PDE10A: variants seen among roughly 807,000 people sequenced by gnomAD.
The protein encoded by PDE10A is phosphodiesterase 10A, also known as cAMP and cAMP-inhibited cGMP 3',5'-cyclic phosphodiesterase 10A.
PDE10A carries 39 observed loss-of-function variants against 97.7 expected under a neutral mutation model. The observed-to-expected ratio is 0.40, with a 90% CI of 0.31 to 0.52. The LOEUF (loss-of-function observed/expected upper bound fraction) is 0.52, where lower values mean the gene tolerates loss of function less well. PDE10A is among the 20% of genes least tolerant of loss of function. The pLI is 0.56. For synonymous variants in PDE10A, 371 were observed against 376.8 expected, an observed-to-expected ratio of 0.98 and a Z score of 0.18; for missense variants, 731 against 1,047.8, an observed-to-expected ratio of 0.70 and a Z score of 4.17.
intron 3 of PDE10A, among the ~76,000 whole-genome samples, chr6:165,473,747 T>C (rs1415630078): frequency 6.6e-6 from 1 of 152,098 alleles, no homozygotes; most frequent in African/African-American, 2.4e-5. Flanking sequence ...AAAAATAAAA[T>C]AACTAAATAA....
At chr6:165,812,981 T>G (rs970654912) in intron 1 of PDE10A, among the ~76,000 whole-genome samples, 2 of 152,222 alleles carry the variant, frequency 1.3e-5, no homozygotes, top group East Asian at 1.9e-4. Context: ...CCCAGTGGTT[T>G]CTGTGTCTGC....
At chr6:165,431,063 T>C (rs1789516642) in intron 8 of PDE10A, among the ~76,000 whole-genome samples, 1 of 152,122 alleles carries the variant, frequency 6.6e-6, no homozygotes, top group South Asian at 2.1e-4. Context: ...GAAAATTTAA[T>C]TTAGGAAATG....
intron 5 of PDE10A, among the ~76,000 whole-genome samples, chr6:165,435,985 G>C (rs1428382882): frequency 6.6e-6 from 1 of 152,062 alleles, no homozygotes; most frequent in Non-Finnish European, 1.5e-5. Context: ...TGGGTGGGAA[G>C]GTAATGTCCT....
At chr6:165,480,131 A>G (rs555987916) in intron 3 of PDE10A, among the ~76,000 whole-genome samples, 1 of 152,316 alleles carries the variant, frequency 6.6e-6, no homozygotes, top group South Asian at 2.1e-4. Flanking sequence ...AAGGAGGCAT[A>G]TGGAAAATAA....
At chr6:165,887,228 C>T (rs1481799605) in intron 1 of PDE10A, among the ~76,000 whole-genome samples, 1 of 152,198 alleles carries the variant, frequency 6.6e-6, no homozygotes, top group Non-Finnish European at 1.5e-5. Context: ...ATTTCTGCCC[C>T]ACACTCACAG....
intron 1 of PDE10A, among the ~76,000 whole-genome samples, chr6:165,791,044 A>G (rs1778636074): frequency 6.6e-6 from 1 of 152,004 alleles, no homozygotes; most frequent in South Asian, 2.1e-4. Context: ...TCCTGGGCTC[A>G]AGCAATCCTC....
intron 1 of PDE10A, among the ~76,000 whole-genome samples, chr6:165,544,574 TA>T (rs58985507): frequency 0.46 from 61,726 of 134,258 alleles, 14,842 homozygotes; most frequent in African/African-American, 0.69. Flanking sequence ...ATGGTTAGGT[TA>T]AAAAAAAAAA....
At chr6:165,797,576 T>A (rs1401143058) in intron 1 of PDE10A, among the ~76,000 whole-genome samples, 3 of 152,222 alleles carry the variant, frequency 2.0e-5, no homozygotes, top group African/African-American at 7.2e-5. Flanking sequence ...CTCTTAGTAT[T>A]ATAATACTAT....
chr6:165,476,541 C>T (rs750023831), intron 3 of PDE10A, among the ~76,000 whole-genome samples: 1 of 151,918 alleles, frequency 6.6e-6, no homozygotes, highest in Non-Finnish European at 1.5e-5. Context: ...TTCTAGTGAC[C>T]TTGAAGAGAA....
chr6:165,750,933 G>C (rs75972859), intron 1 of PDE10A, among the ~76,000 whole-genome samples: 1 of 152,268 alleles, frequency 6.6e-6, no homozygotes, highest in African/African-American at 2.4e-5. Flanking sequence ...TGGCAGGAGC[G>C]GGATGCTGAG....
intron 1 of PDE10A, among the ~76,000 whole-genome samples, chr6:165,870,547 G>A (rs1445338443): frequency 6.6e-6 from 1 of 152,206 alleles, no homozygotes; most frequent in East Asian, 1.9e-4. Context: ...CAATATGAAA[G>A]TTCCACAAAA....
At position 165,521,884 on chromosome 6, in the gene PDE10A, C is replaced by A. The variant is rs980662412; in HGVS notation, c.994+21556G>T. On this transcript the variant is annotated intron_variant, in intron 2 of 21. Transcript: ENST00000539869. ...GGTAGCTACACCTGGTGCTTTCTGG[C>A]ACTATAAATTTGACTACTCATATAA... Among the ~76,000 whole-genome samples, 186 of 152,238 alleles carry A rather than the reference C, an allele frequency of 1.2e-3. 2 individuals are homozygous for A. Among genetic ancestry groups the A allele is most frequent in the Non-Finnish European group, 1.3e-4 (9 of 68,012 alleles).
upstream of PDE10A, among the ~76,000 whole-genome samples, chr6:165,667,255 G>C (rs1489022589): frequency 6.6e-6 from 1 of 152,092 alleles, no homozygotes; most frequent in African/African-American, 2.4e-5. Context: ...GGGGTTGCAT[G>C]AGTAAGTTCT....
At chr6:165,844,920 C>T (rs779808753) in intron 1 of PDE10A, among the ~76,000 whole-genome samples, 7 of 152,126 alleles carry the variant, frequency 4.6e-5, no homozygotes, top group Non-Finnish European at 5.9e-5. Context: ...ACACAAAAGG[C>T]GATTCTTATT....
At chr6:165,754,079 A>G (rs894768978) in intron 1 of PDE10A, 2 of 152,352 alleles carry the variant, frequency 1.3e-5, no homozygotes, top group African/African-American at 4.8e-5. Context: ...AGAGAAAACA[A>G]GCCACAAGTA....
At chr6:165,794,886 A>G (rs1583101916) in intron 1 of PDE10A, among the ~76,000 whole-genome samples, 1 of 152,230 alleles carries the variant, frequency 6.6e-6, no homozygotes, top group South Asian at 2.1e-4. Context: ...GATGAGAAAG[A>G]CCCACAGGAC....
chr6:165,957,747 TA>T (rs1784179057), intron 1 of PDE10A, among the ~76,000 whole-genome samples: 2 of 152,206 alleles, frequency 1.3e-5, no homozygotes, highest in Non-Finnish European at 2.9e-5. Context: ...CCCCAGCCTC[TA>T]AAAGCTTAAA....
At position 165,332,985 on chromosome 6, in the gene PDE10A, A is replaced by G; in HGVS notation, c.*40T>C. 2.9e-6 allele frequency: 2 copies of G among 685,812 alleles called. No homozygotes were observed. The highest frequency in any genetic ancestry group is 5.0e-6 in the Non-Finnish European group (2 of 402,326). The allele number at this position is 685,812 out of a possible 1,614,324, so 42.5% of individuals were successfully genotyped here. A position where few individuals can be genotyped will look rare whatever the true frequency, so the allele number is the denominator to read the frequency against. ...AAAAGAATGTCAAAGAAGCAAGATG[A>G]GGATCTGTAGGTGGGACAGCGTGTC... is the stretch of plus-strand genomic sequence containing the variant. On this transcript the variant is annotated 3_prime_UTR_variant, in exon 22 of 22. Transcript: ENST00000539869.
At chr6:165,374,748 GT>G (rs1168455461) in intron 18 of PDE10A, among the ~76,000 whole-genome samples, 2 of 115,050 alleles carry the variant, frequency 1.7e-5, no homozygotes, top group East Asian at 4.9e-4. Flanking sequence ...TAAATACCAT[GT>G]TTTTGGTTTT....
Sources: gnomAD v4.1 joint callset for allele counts (sites outside exome capture counted in the v4.1 genomes callset) on GRCh38, gnomAD v4.1.1 for gene constraint, MANE v1.5 for transcripts, NCBI Gene and HGNC (gene_info 2026-07-23, HGNC 2026-07-21) for gene names.